Variants in PGAP4 observed in about 807,000 individuals in gnomAD.
PGAP4 encodes post-GPI attachment to proteins GalNAc transferase 4, also known as GPI-N-acetylgalactosamine transferase PGAP4.
In PGAP4, 12 loss-of-function variants were observed where a neutral mutation model predicts 28.2. The observed-to-expected ratio is 0.42, with a 90% confidence interval of 0.27 to 0.69. PGAP4 has a LOEUF of 0.69. Ranked by LOEUF, PGAP4 falls within the 30% of genes least tolerant of loss-of-function variation. The probability of loss-of-function intolerance (pLI) is 0.22; values close to 1 mark genes in which losing one functional copy is unlikely to be tolerated. For missense variants in PGAP4, 425 were observed against 513.5 expected, an observed-to-expected ratio of 0.83 and a Z score of 1.67; for synonymous variants, 205 against 211.8, an observed-to-expected ratio of 0.97 and a Z score of 0.28.
chr9:101,504,867 G>T (rs552657470), intron 2 of PGAP4, among the ~76,000 whole-genome samples: 1 of 152,220 alleles, frequency 6.6e-6, no homozygotes, highest in East Asian at 1.9e-4. Flanking sequence ...CCACAACTTG[G>T]CTGGTGGGCA....
At chr9:101,490,261 C>T (rs530003712), upstream of PGAP4, among the ~76,000 whole-genome samples, 166 of 152,296 alleles carry the variant, frequency 1.1e-3, no homozygotes, top group Admixed American at 2.4e-3. Flanking sequence ...GCAATCTCAG[C>T]TCACTGCAAC....
rs540276602 is a variant in PGAP4 at position 101,513,098 on chromosome 9, T to C, written c.-165+18250A>G. Among the ~76,000 whole-genome samples, 423 of 152,316 alleles carry C rather than the reference T, an allele frequency of 2.8e-3. 4 individuals carry two copies. Among genetic ancestry groups the C allele is most frequent in the African/African-American group, 9.1e-3 (379 of 41,582 alleles). ...TTTTATAAGAAATTTTAACCCTTAC[T>C]TTGTTAAAACTATTACTTTACCAAA... On this transcript the variant is annotated intron_variant, in intron 2 of 3. Coordinates refer to the PGAP4 transcript ENST00000374851.
At chr9:101,495,214 TTA>T (rs1491428985) in intron 2 of PGAP4, among the ~76,000 whole-genome samples, 1 of 86,254 alleles carries the variant, frequency 1.2e-5, no homozygotes, top group African/African-American at 4.5e-5. Flanking sequence ...CTTATATATT[TTA>T]TATATATTAT....
intron 2 of PGAP4, among the ~76,000 whole-genome samples, chr9:101,495,066 T>A (rs1178826721): frequency 7.2e-6 from 1 of 139,498 alleles, no homozygotes; most frequent in East Asian, 2.1e-4. Flanking sequence ...TGAAAGAAGA[T>A]TTACTACCAT....
Position 101,477,493 on chromosome 9 carries a change from T to C in PGAP4, c.-77-324A>G, listed in dbSNP as rs146801049. ...CCAGGTAGGCTGTTGGGATCATTAT[T>C]TCTATTCACCAGCTACACAGACAAT... On this transcript the variant is annotated intron_variant, in intron 1 of 1. Coordinates refer to ENST00000374848, the MANE Select transcript of PGAP4 (RefSeq NM_032342.3). Among the ~76,000 whole-genome samples, 95 of 152,294 alleles carry C rather than the reference T, an allele frequency of 6.2e-4. 1 individual carries two copies. The highest frequency in any genetic ancestry group is 2.2e-3 in the African/African-American group (90 of 41,550).
chr9:101,517,390 TA>T lies in PGAP4; in HGVS notation c.-165+13957del, dbSNP rs1826951832. ...AAAATATATCTATATCACATAAAATTAAATATCTAGATTATAACAAGCTAAT... is the reference window on the plus strand; with the variant it reads ...AAAATATATCTATATCACATAAAATTAATATCTAGATTATAACAAGCTAAT... On this transcript the variant is annotated intron_variant, in intron 2 of 3. Transcript: ENST00000374851. Among the ~76,000 whole-genome samples, 5 of 152,148 alleles carry T rather than the reference TA, an allele frequency of 3.3e-5. No homozygotes were observed. The South Asian group carries it at 8.3e-4, about 25-fold the overall frequency.
intron 2 of PGAP4, among the ~76,000 whole-genome samples, chr9:101,504,860 C>T (rs1826836205): frequency 6.6e-6 from 1 of 152,072 alleles, no homozygotes; most frequent in South Asian, 2.1e-4. Context: ...AGCCAAGCCA[C>T]AACTTGGCTG....
chr9:101,517,744 TG>T (rs781764551), intron 2 of PGAP4, among the ~76,000 whole-genome samples: 1 of 152,166 alleles, frequency 6.6e-6, no homozygotes, highest in Admixed American at 6.6e-5. Context: ...CAGTGACTGC[TG>T]TGAGCTGTAT....
chr9:101,494,849 T>C (rs1381315880), intron 2 of PGAP4, among the ~76,000 whole-genome samples: 1 of 151,342 alleles, frequency 6.6e-6, no homozygotes, highest in Non-Finnish European at 1.5e-5. Context: ...ATAACCAGAA[T>C]CAGGACTGAC....
chr9:101,480,782 T>G (rs1051776292), intron 1 of PGAP4: 2 of 152,250 alleles, frequency 1.3e-5, no homozygotes, highest in African/African-American at 4.8e-5. Context: ...TCTTGTTTAC[T>G]TTTTAAAACA....
At chr9:101,532,277 A>G (rs968542052) in intron 1 of PGAP4, among the ~76,000 whole-genome samples, 30 of 151,116 alleles carry the variant, frequency 2.0e-4, no homozygotes, top group African/African-American at 7.1e-4. Flanking sequence ...CTCGAAAAAA[A>G]GAAAAAAAAA....
rs931941914 is a variant in PGAP4 at position 101,473,279 on chromosome 9, T to C, written c.*2602A>G. 4.6e-5 allele frequency: 7 copies of C among 152,126 alleles called. No individual in the cohort carries two copies. The highest frequency in any genetic ancestry group is 1.7e-4 in the African/African-American group (7 of 41,430). The allele number at this position is 152,126 out of a possible 1,614,324, so 9.4% of individuals were successfully genotyped here. On this transcript the variant is annotated 3_prime_UTR_variant, in exon 2 of 2. Coordinates refer to ENST00000374848, the MANE Select transcript of PGAP4 (RefSeq NM_032342.3). ...CATAATTTAAACTCTGAAAGGTGAG[T>C]GAGCCTGTTAAGAGACCTCCACCCT...
At chr9:101,530,224 T>C (rs907269797) in intron 2 of PGAP4, among the ~76,000 whole-genome samples, 4 of 152,260 alleles carry the variant, frequency 2.6e-5, no homozygotes, top group African/African-American at 9.6e-5. Flanking sequence ...AGACAGGACA[T>C]GACTGATGCG....
At chr9:101,478,571 G>C (rs565731936) in intron 1 of PGAP4, among the ~76,000 whole-genome samples, 1 of 152,200 alleles carries the variant, frequency 6.6e-6, no homozygotes, top group Non-Finnish European at 1.5e-5. Context: ...TCTCCAGGTG[G>C]AGTCATGTGA....
At chr9:101,495,259 T>A (rs376215340) in intron 2 of PGAP4, among the ~76,000 whole-genome samples, 603 of 1,160 alleles carry the variant, frequency 0.52, 42 homozygotes, top group East Asian at 0.57. Flanking sequence ...ATTATATAGT[T>A]TATATATTTT....
chr9:101,494,938 A>C (rs145922836), intron 2 of PGAP4, among the ~76,000 whole-genome samples: 1 of 150,544 alleles, frequency 6.6e-6, no homozygotes, highest in East Asian at 1.9e-4. Flanking sequence ...ATATTTATAT[A>C]AATGTAACTT....
chr9:101,497,837 T>C (rs142353723), intron 2 of PGAP4, among the ~76,000 whole-genome samples: 58 of 151,884 alleles, frequency 3.8e-4, no homozygotes, highest in African/African-American at 1.3e-3. Context: ...GATTTTGCCA[T>C]GTAGACACAA....
intron 2 of PGAP4, among the ~76,000 whole-genome samples, chr9:101,507,119 G>A (rs959229401): frequency 6.6e-6 from 1 of 152,000 alleles, no homozygotes; most frequent in Non-Finnish European, 1.5e-5. Context: ...TCATGCCTCA[G>A]GGGTTCACTG....
chr9:101,490,633 C>T (rs1295606360), upstream of PGAP4, among the ~76,000 whole-genome samples: 4 of 152,174 alleles, frequency 2.6e-5, no homozygotes, highest in Non-Finnish European at 5.9e-5. Context: ...ATATAGTCCT[C>T]CTTGATTTGA....
Sources: allele counts gnomAD v4.1 joint callset (sites outside exome capture counted in the v4.1 genomes callset), GRCh38; gene constraint gnomAD v4.1.1; transcripts MANE v1.5; gene names NCBI Gene and HGNC (gene_info 2026-07-23, HGNC 2026-07-21).